The following MTRES1 variants were observed in gnomAD, a reference collection of about 807,000 sequenced individuals.
MTRES1 encodes the protein uncharacterized protein C6orf203.
MTRES1 carries 11 observed loss-of-function variants against 17.4 expected under a neutral mutation model. The ratio of observed to expected loss-of-function variants is 0.63; its 90% CI spans 0.40 to 1.05. The LOEUF (loss-of-function observed/expected upper bound fraction) is 1.05. MTRES1 is among the 50% of genes least tolerant of loss of function. The pLI, the probability that MTRES1 is intolerant of heterozygous loss-of-function variation, is 0.00. For missense variants in MTRES1, 268 were observed against 276.2 expected, an observed-to-expected ratio of 0.97 and a Z score of 0.21; for synonymous variants, 94 against 99.6, an observed-to-expected ratio of 0.94 and a Z score of 0.34.
At chr6:107,041,612 G>A (rs750229218) in intron 2 of MTRES1, among the ~76,000 whole-genome samples, 1 of 152,036 alleles carries the variant, frequency 6.6e-6, no homozygotes, top group African/African-American at 2.4e-5. Context: ...TGCAAGCTCC[G>A]CCTCCCGGGT....
chr6:107,047,597 A>G (rs1258499935), intron 3 of MTRES1, among the ~76,000 whole-genome samples: 3 of 151,938 alleles, frequency 2.0e-5, no homozygotes, highest in Non-Finnish European at 4.4e-5. Flanking sequence ...TTAAAAATGA[A>G]TTGTAGGCCG....
At chr6:107,042,456 G>A (rs1350658468) in intron 2 of MTRES1, among the ~76,000 whole-genome samples, 1 of 149,236 alleles carries the variant, frequency 6.7e-6, no homozygotes, top group Non-Finnish European at 1.5e-5. Flanking sequence ...CAAATAAGGG[G>A]GCCTCTCCTC....
At chr6:107,044,722 T>C (rs782086565) in intron 3 of MTRES1, among the ~76,000 whole-genome samples, 14 of 152,232 alleles carry the variant, frequency 9.2e-5, no homozygotes, top group Non-Finnish European at 1.8e-4. Context: ...TGTAATTCTA[T>C]ACAGCTCAGC....
At chr6:107,029,493 G>GT (rs2114933714) in intron 1 of MTRES1, among the ~76,000 whole-genome samples, 1 of 122,522 alleles carries the variant, frequency 8.2e-6, no homozygotes, top group South Asian at 2.7e-4. Flanking sequence ...GGCCTGTTTT[G>GT]TTGTTTTTTT....
In MTRES1 at chr6:107,049,720, CTTT is replaced by C. The variant is rs66581737; in HGVS notation, c.544-1321_544-1319del. 6.0e-3 allele frequency among the ~76,000 whole-genome samples: 595 copies of C among 98,784 alleles called. 1 individual carries two copies. Among genetic ancestry groups the C allele is most frequent in the African/African-American group, 0.019 (511 of 26,602 alleles). 64.8% of individuals were successfully genotyped at this position (98,784 alleles called of 152,430 possible). ...GAGCCACCGTGCCCAGCCGGCCCTT[CTTT>C]TTTTTTTTTTTTTTTGAGACAGAGC... On this transcript the variant is annotated intron_variant, in intron 3 of 3. Coordinates refer to ENST00000311381, the MANE Select transcript of MTRES1 (RefSeq NM_016487.5).
At chr6:107,038,185 A>T (rs1774073601) in intron 1 of MTRES1, among the ~76,000 whole-genome samples, 1 of 152,182 alleles carries the variant, frequency 6.6e-6, no homozygotes, top group Admixed American at 6.6e-5. Flanking sequence ...AAGGCCCAAA[A>T]TGTTAAATAT....
In MTRES1 at chr6:107,039,997, T is replaced by C; in HGVS notation, c.237T>C (p.Pro79=). ...TACTATCTCCAGAATGTATTTTTCC[T>C]TTTTCCGTAAGACTCAAAAGTAATA... ...GLLLSPECIF[P]FSVRLKSNIR... is the part of the protein sequence containing the mutation. The change falls in exon 2 of 4, where the codon CCT becomes CCC. Residue 79 remains proline, a synonymous_variant. Coordinates refer to ENST00000311381, the MANE Select transcript of MTRES1 (RefSeq NM_016487.5). 1.9e-6 allele frequency: 3 copies of C among 1,613,368 alleles called. No individual in the cohort carries two copies. Among genetic ancestry groups the C allele is most frequent in the Non-Finnish European group, 2.5e-6 (3 of 1,179,642 alleles).
intron 2 of MTRES1, 118 bp downstream of exon 2, chr6:107,040,348 TA>T: frequency 2.4e-6 from 2 of 846,534 alleles, no homozygotes; most frequent in Non-Finnish European, 3.4e-6. Flanking sequence ...AGGACCTTTG[TA>T]GGTAACCTGT....
chr6:107,039,132 C>G (rs1774101860), intron 1 of MTRES1, among the ~76,000 whole-genome samples: 1 of 151,780 alleles, frequency 6.6e-6, no homozygotes, highest in Non-Finnish European at 1.5e-5. Flanking sequence ...CAATCAGTAC[C>G]CAAAGCTAAT....
At chr6:107,033,456 G>GGGT (rs1773909763) in intron 1 of MTRES1, among the ~76,000 whole-genome samples, 1 of 151,510 alleles carries the variant, frequency 6.6e-6, no homozygotes. Flanking sequence ...GAGAGGAGCT[G>GGGT]GGTGCCTGGT....
At chr6:107,030,194 T>C (rs1324815802) in intron 1 of MTRES1, 4 of 717,806 alleles carry the variant, frequency 5.6e-6, no homozygotes, top group Non-Finnish European at 1.0e-5. Context: ...GGAGAGGAAA[T>C]GGGGGTTGAG....
Position 107,051,332 on chromosome 6 carries a change from C to A in MTRES1, c.*96C>A. The A allele has an allele frequency of 8.8e-7, 1 of 1,136,010 alleles. No homozygotes were observed. The highest frequency in any genetic ancestry group is 1.2e-6 in the Non-Finnish European group (1 of 808,234). 70.4% of individuals were successfully genotyped at this position (1,136,010 alleles called of 1,614,324 possible). On this transcript the variant is annotated 3_prime_UTR_variant, in exon 4 of 4. Transcript: ENST00000311381. Reference sequence around the variant, plus strand: ...TTTTATTAAAATAAAGTTCTCTTAGCGTTTGTGGAATCTGCCGAGCCATTT... The same window carrying A: ...TTTTATTAAAATAAAGTTCTCTTAGAGTTTGTGGAATCTGCCGAGCCATTT...
chr6:107,045,209 C>T (rs1178325000), intron 3 of MTRES1, among the ~76,000 whole-genome samples: 1 of 151,408 alleles, frequency 6.6e-6, no homozygotes, highest in Non-Finnish European at 1.5e-5. Flanking sequence ...TGGCTGGGCG[C>T]AGTGACTCAC....
intron 3 of MTRES1, 105 bp downstream of exon 3, chr6:107,044,437 C>G: frequency 1.2e-6 from 1 of 862,860 alleles, no homozygotes; most frequent in Non-Finnish European, 1.9e-6. Flanking sequence ...TCTTCTTTCT[C>G]TGAGGTCCTT....
At chr6:107,049,720 C>CTT (rs66581737) in intron 3 of MTRES1, among the ~76,000 whole-genome samples, 1 of 98,814 alleles carries the variant, frequency 1.0e-5, no homozygotes, top group South Asian at 3.3e-4. Flanking sequence ...GCCGGCCCTT[C>CTT]TTTTTTTTTT....
chr6:107,041,564 T>C (rs1335940737), intron 2 of MTRES1, among the ~76,000 whole-genome samples: 3 of 152,126 alleles, frequency 2.0e-5, no homozygotes, highest in African/African-American at 4.8e-5. Context: ...CTTGCTCTGT[T>C]GCCCAGGCTG....
intron 3 of MTRES1, among the ~76,000 whole-genome samples, chr6:107,048,921 G>T (rs1244946400): frequency 2.6e-5 from 4 of 151,674 alleles, no homozygotes; most frequent in African/African-American, 9.7e-5. Flanking sequence ...TGTGGTATGA[G>T]CCTTTCTGCT....
chr6:107,032,887 CT>C (rs782482474), intron 1 of MTRES1, among the ~76,000 whole-genome samples: 2 of 152,110 alleles, frequency 1.3e-5, no homozygotes, highest in Non-Finnish European at 1.5e-5. Context: ...TGTAGGCATC[CT>C]TGCTCTGCGC....
rs1319104571 is a variant in MTRES1 at position 107,051,439 on chromosome 6, C to T, written c.*203C>T. ...CCCCTGCCCACCTTGATCCATGCTC[C>T]TTTGACCTCCTCGTGTGAGAACCCC... On this transcript the variant is annotated 3_prime_UTR_variant, in exon 4 of 4. Coordinates refer to ENST00000311381, the MANE Select transcript of MTRES1 (RefSeq NM_016487.5). The T allele has an allele frequency of 2.0e-5, 8 of 395,214 alleles. No homozygotes were observed. The highest frequency in any genetic ancestry group is 3.5e-5 in the Non-Finnish European group (8 of 231,698). 24.5% of individuals were successfully genotyped at this position (395,214 alleles called of 1,614,324 possible).
Sources: gnomAD v4.1 joint callset for allele counts (sites outside exome capture counted in the v4.1 genomes callset) on GRCh38, gnomAD v4.1.1 for gene constraint, MANE v1.5 for transcripts, NCBI Gene and HGNC (gene_info 2026-07-23, HGNC 2026-07-21) for gene names.